The following PTPN5 variants were observed in gnomAD, a reference collection of about 807,000 sequenced individuals.
PTPN5 encodes the protein protein tyrosine phosphatase non-receptor type 5, also known as tyrosine-protein phosphatase non-receptor type 5.
PTPN5 carries 29 observed loss-of-function variants against 73.9 expected under a neutral mutation model. That is an observed-to-expected ratio of 0.39 (90% CI 0.29 to 0.54). The LOEUF (loss-of-function observed/expected upper bound fraction) is 0.54. PTPN5 is among the 20% of genes least tolerant of loss of function. The probability of loss-of-function intolerance (pLI) is 0.65; values close to 1 mark genes in which losing one functional copy is unlikely to be tolerated. For missense variants in PTPN5, 652 were observed against 751.4 expected, an observed-to-expected ratio of 0.87 and a Z score of 1.55; for synonymous variants, 267 against 304.7, an observed-to-expected ratio of 0.88 and a Z score of 1.29.
intron 3 of PTPN5, among the ~76,000 whole-genome samples, chr11:18,761,288 T>C (rs1294070773): frequency 1.3e-5 from 2 of 152,188 alleles, no homozygotes; most frequent in Admixed American, 6.5e-5. Context: ...TTCTTCTACC[T>C]TGTACCTCCG....
chr11:18,791,111 G>A (rs568032939), intron 1 of PTPN5, among the ~76,000 whole-genome samples: 19 of 152,322 alleles, frequency 1.2e-4, no homozygotes, highest in African/African-American at 4.3e-4. Flanking sequence ...GGGAAGGCTG[G>A]GAGCCGCGCT....
chr11:18,755,436 G>C (rs969270457), intron 3 of PTPN5, among the ~76,000 whole-genome samples: 2 of 152,186 alleles, frequency 1.3e-5, no homozygotes, highest in African/African-American at 4.8e-5. Flanking sequence ...TTGTTATGTA[G>C]CAAAATATAA....
At chr11:18,743,966 C>A (rs758348718) in intron 4 of PTPN5, 40 bp downstream of exon 4, 2 of 1,523,008 alleles carry the variant, frequency 1.3e-6, no homozygotes, top group South Asian at 2.6e-5. Context: ...CCTCCACCCA[C>A]CCTCTCTCCA....
intron 1 of PTPN5, among the ~76,000 whole-genome samples, chr11:18,776,154 T>C (rs1325418078): frequency 2.0e-5 from 3 of 152,174 alleles, no homozygotes; most frequent in Non-Finnish European, 4.4e-5. Flanking sequence ...CAGTTTAATT[T>C]ACCGGGAGAA....
chr11:18,769,114 T>C (rs1238104172), intron 2 of PTPN5, among the ~76,000 whole-genome samples: 1 of 152,168 alleles, frequency 6.6e-6, no homozygotes, highest in Non-Finnish European at 1.5e-5. Context: ...GGAGTGAAAG[T>C]AGCTTCCCAA....
intron 3 of PTPN5, among the ~76,000 whole-genome samples, chr11:18,747,970 T>C (rs1460710107): frequency 6.6e-6 from 1 of 152,078 alleles, no homozygotes; most frequent in Non-Finnish European, 1.5e-5. Context: ...TGGGGTGGGG[T>C]GAGATTAGAG....
At chr11:18,754,120 G>A (rs1308212261) in intron 3 of PTPN5, among the ~76,000 whole-genome samples, 2 of 152,150 alleles carry the variant, frequency 1.3e-5, no homozygotes, top group Admixed American at 6.5e-5. Flanking sequence ...ACCATGCACT[G>A]AGGAGTATGA....
At chr11:18,777,478 G>T (rs1256049700) in intron 1 of PTPN5, among the ~76,000 whole-genome samples, 2 of 152,202 alleles carry the variant, frequency 1.3e-5, no homozygotes, top group African/African-American at 2.4e-5. Context: ...GGCTTTGCCT[G>T]TTTCCCAGTT....
chr11:18,755,747 C>T (rs1325862380), intron 3 of PTPN5, among the ~76,000 whole-genome samples: 15 of 151,966 alleles, frequency 9.9e-5, no homozygotes, highest in Non-Finnish European at 1.5e-5. Flanking sequence ...GGCTCACTCC[C>T]GTAATCCCAG....
At chr11:18,769,948 C>CT (rs1850803782) in intron 2 of PTPN5, among the ~76,000 whole-genome samples, 1 of 152,110 alleles carries the variant, frequency 6.6e-6, no homozygotes, top group African/African-American at 2.4e-5. Context: ...GGGAAGCCCT[C>CT]TTCCACTTGA....
intron 3 of PTPN5, among the ~76,000 whole-genome samples, chr11:18,756,294 CTTTTTTT>C (rs552226983): frequency 1.8e-5 from 2 of 111,028 alleles, no homozygotes; most frequent in South Asian, 6.4e-4. Context: ...ACATCCTTCA[CTTTTTTT>C]TTTTTTTTTT....
intron 3 of PTPN5, among the ~76,000 whole-genome samples, chr11:18,764,858 G>A (rs572937815): frequency 8.5e-5 from 13 of 152,102 alleles, no homozygotes; most frequent in South Asian, 2.1e-4. Context: ...GACTACAGGC[G>A]CCCGCCACCA....
At chr11:18,736,350 C>G (rs561506891) in intron 9 of PTPN5, among the ~76,000 whole-genome samples, 1 of 152,196 alleles carries the variant, frequency 6.6e-6, no homozygotes, top group Non-Finnish European at 1.5e-5. Context: ...GCTTGGGACA[C>G]GGCGGAGAAG....
chr11:18,785,016 G>A (rs956800704), intron 1 of PTPN5, among the ~76,000 whole-genome samples: 3 of 151,938 alleles, frequency 2.0e-5, no homozygotes, highest in Admixed American at 6.6e-5. Flanking sequence ...ACCATGCCTG[G>A]CTAATTTTTA....
chr11:18,782,443 G>A (rs1281078484), intron 1 of PTPN5, among the ~76,000 whole-genome samples: 1 of 152,140 alleles, frequency 6.6e-6, no homozygotes, highest in African/African-American at 2.4e-5. Context: ...GGCTAGGCTG[G>A]TCTCGAACTC....
intron 3 of PTPN5, among the ~76,000 whole-genome samples, chr11:18,760,335 G>A (rs541849775): frequency 6.6e-6 from 1 of 152,320 alleles, no homozygotes; most frequent in East Asian, 1.9e-4. Flanking sequence ...GGATTAGGGT[G>A]ACAAAGCTTT....
chr11:18,757,747 A>G (rs1314742748), intron 3 of PTPN5, among the ~76,000 whole-genome samples: 1 of 152,222 alleles, frequency 6.6e-6, no homozygotes, highest in Non-Finnish European at 1.5e-5. Context: ...CCTAGACCCC[A>G]TATTTTGGTG....
At chr11:18,740,068 G>T (rs998538796) in intron 8 of PTPN5, among the ~76,000 whole-genome samples, 4 of 152,190 alleles carry the variant, frequency 2.6e-5, no homozygotes, top group Admixed American at 6.5e-5. Context: ...GAGCACTCAG[G>T]CAGGTAAACA....
Position 18,772,016 on chromosome 11 carries a change from C to CA in PTPN5, c.-59dup, listed in dbSNP as rs1850926484. The CA allele has an allele frequency of 7.2e-7, 1 of 1,390,326 alleles. No individual in the cohort carries two copies. The highest frequency in any genetic ancestry group is 1.4e-5 in the South Asian group (1 of 73,010). The allele number at this position is 1,390,326 out of a possible 1,614,324, so 86.1% of individuals were successfully genotyped here. On this transcript the variant is annotated 5_prime_UTR_variant, in exon 2 of 15. Transcript: ENST00000358540. ...CTTCCAGGGCAGGAAGCTTTCTCAG[C>CA]AAAAAGCAAGCTGGTGATATAAATG...
Sources: gnomAD v4.1 joint callset for allele counts (sites outside exome capture counted in the v4.1 genomes callset) on GRCh38, gnomAD v4.1.1 for gene constraint, MANE v1.5 for transcripts, NCBI Gene and HGNC (gene_info 2026-07-23, HGNC 2026-07-21) for gene names.